Variants in CA12 observed in about 807,000 individuals in gnomAD.
CA12 encodes carbonate dehydratase XII.
A neutral mutation model predicts 46.8 loss-of-function variants in CA12; 36 were observed. That is an observed-to-expected ratio of 0.77 (90% CI 0.59 to 1.02). The LOEUF is 1.02. CA12 is among the 50% of genes least tolerant of loss of function. CA12 has a pLI of 0.00. For synonymous variants in CA12, 202 were observed against 187.0 expected (o/e 1.08, Z -0.65); for missense variants, 436 against 451.4 (o/e 0.97, Z 0.31).
chr15:63,344,000 T>G (rs2039114577), intron 4 of CA12, among the ~76,000 whole-genome samples: 1 of 152,194 alleles, frequency 6.6e-6, no homozygotes, highest in Admixed American at 6.5e-5. Context: ...CTGTTGAATT[T>G]CACCGTGACA....
At chr15:63,364,356 C>A (rs199553474) in intron 2 of CA12, among the ~76,000 whole-genome samples, 1,512 of 24,366 alleles carry the variant, frequency 0.062, 1 homozygote, top group East Asian at 0.093. Flanking sequence ...AAAAAAAAAA[C>A]AGTGGGACTC....
At chr15:63,376,180 C>G (rs2039568209) in intron 1 of CA12, among the ~76,000 whole-genome samples, 2 of 152,202 alleles carry the variant, frequency 1.3e-5, no homozygotes, top group South Asian at 4.1e-4. Flanking sequence ...GTCAGCAGCA[C>G]AGGCAGTTGG....
rs2038937471 is a variant in CA12 at position 63,331,510 on chromosome 15, A to G, written c.875-3380T>C. ...CTAGGTCACAGAGGTGGCCCACGAG[A>G]GGCATCGAGTGGCAGCCCAACAGAA... On this transcript the variant is annotated intron_variant, in intron 8 of 10. Coordinates refer to ENST00000178638, the MANE Select transcript of CA12 (RefSeq NM_001218.5). This position sits in a 1 kb window ranked among gnomAD's most constrained non-coding sequence, Gnocchi z 5.3. Among the ~76,000 whole-genome samples the G allele has an allele frequency of 6.6e-6, 1 of 152,202 alleles. No individual in the cohort carries two copies. Among genetic ancestry groups the G allele is most frequent in the South Asian group, 2.1e-4 (1 of 4,822 alleles).
intron 2 of CA12, among the ~76,000 whole-genome samples, chr15:63,375,076 C>T (rs1219544431): frequency 6.6e-6 from 1 of 152,156 alleles, no homozygotes; most frequent in Non-Finnish European, 1.5e-5. Context: ...TCTTGGAGAC[C>T]GTCCCACAGA....
At position 63,328,368 on chromosome 15, in the gene CA12, G is replaced by A. The variant is rs866075919; in HGVS notation, c.875-238C>T. On this transcript the variant is annotated intron_variant, in intron 8 of 10. Transcript: ENST00000178638. This position sits in a 1 kb window ranked among gnomAD's most constrained non-coding sequence, Gnocchi z 5.9. ...TTTTTTTTTTTTGAGATGGAATCTC[G>A]CTCTGCCGCCCAGGCTGGAATGCAG... Among the ~76,000 whole-genome samples, 12 of 140,718 alleles carry A rather than the reference G, an allele frequency of 8.5e-5. No homozygotes were observed. The South Asian group carries it at 2.0e-3, about 23-fold the overall frequency. 92.3% of individuals were successfully genotyped at this position (140,718 alleles called of 152,430 possible). A position where few individuals can be genotyped will look rare whatever the true frequency, so the allele number is the denominator to read the frequency against.
chr15:63,349,708 T>C (rs1240566989), intron 2 of CA12, among the ~76,000 whole-genome samples: 1 of 152,354 alleles, frequency 6.6e-6, no homozygotes, highest in African/African-American at 2.4e-5. Context: ...ACAGGACTTA[T>C]GTGTCCTTCA....
Position 63,338,843 on chromosome 15 carries a change from G to A in CA12, c.850C>T (p.Leu284=). 1 of 1,614,150 alleles carries A rather than the reference G, an allele frequency of 6.2e-7. No individual in the cohort carries two copies. Among genetic ancestry groups the A allele is most frequent in the Non-Finnish European group, 8.5e-7 (1 of 1,180,010 alleles). ...CCTTGGGAGAAGGAGGTGTATACCA[G>A]CCTCTCATCGAACTTCTGGACCTGC... ...FRQVQKFDER[L]VYTSFSQVQV... Residue 284 remains leucine (L), a synonymous_variant, in exon 8 of 11, where the codon CTG becomes TTG. Coordinates refer to ENST00000178638, the MANE Select transcript of CA12 (RefSeq NM_001218.5).
At chr15:63,368,770 C>T (rs1436864748) in intron 2 of CA12, among the ~76,000 whole-genome samples, 1 of 152,226 alleles carries the variant, frequency 6.6e-6, no homozygotes, top group African/African-American at 2.4e-5. Context: ...TCCTCACCTG[C>T]CAGCCCGCTG....
chr15:63,354,763 T>A (rs1376856835), intron 2 of CA12, among the ~76,000 whole-genome samples: 1 of 152,082 alleles, frequency 6.6e-6, no homozygotes, highest in Non-Finnish European at 1.5e-5. Context: ...CCAGCCATGG[T>A]GGTGGGGGCC....
In CA12 at chr15:63,374,928, G is replaced by A. The variant is rs1393810584; in HGVS notation, c.106+730C>T. ...CCAACAAGACATTATCAACATTCCC[G>A]CACTGGCCAGGGGACTCAGGTGTCT... On this transcript the variant is annotated intron_variant, in intron 2 of 10. Transcript: ENST00000178638. The surrounding 1 kb of genome is among the most constrained non-coding windows in gnomAD (Gnocchi z 4.4). 2.0e-5 allele frequency among the ~76,000 whole-genome samples: 3 copies of A among 152,140 alleles called. No homozygotes were observed. The highest frequency in any genetic ancestry group is 4.8e-5 in the African/African-American group (2 of 41,424).
intron 2 of CA12, among the ~76,000 whole-genome samples, chr15:63,358,815 G>T (rs991101149): frequency 4.6e-5 from 7 of 152,112 alleles, no homozygotes; most frequent in South Asian, 2.1e-4. Flanking sequence ...CCGCATCTGT[G>T]TCTTTACTTC....
Position 63,323,558 on chromosome 15 carries a change from G to A in CA12, c.*2727C>T, listed in dbSNP as rs766592780. 3.3e-5 allele frequency: 5 copies of A among 151,732 alleles called. No individual in the cohort carries two copies. Among genetic ancestry groups the A allele is most frequent in the Non-Finnish European group, 4.4e-5 (3 of 67,904 alleles). 9.4% of individuals were successfully genotyped at this position (151,732 alleles called of 1,614,324 possible). On this transcript the variant is annotated 3_prime_UTR_variant, in exon 11 of 11. Transcript: ENST00000178638. This position sits in a 1 kb window ranked among gnomAD's most constrained non-coding sequence, Gnocchi z 5.1. ...ATGTGAAAAACATTTATAATTTCTTGTAGTTACAGTGTGTATCTTCATTAT... is the reference window on the plus strand; with the variant it reads ...ATGTGAAAAACATTTATAATTTCTTATAGTTACAGTGTGTATCTTCATTAT...
rs1691114896 is a variant in CA12 at position 63,328,213 on chromosome 15, C to T, written c.875-83G>A. ...AGCAGCGTGTTGAGAGACGCTCTAC[C>T]ATTTGTTTGGTCTTAGGCTGACAGA... On this transcript the variant is annotated intron_variant, in intron 8 of 10. Coordinates refer to ENST00000178638, the MANE Select transcript of CA12 (RefSeq NM_001218.5). This position sits in a 1 kb window ranked among gnomAD's most constrained non-coding sequence, Gnocchi z 5.9. The T allele has an allele frequency of 1.5e-6, 2 of 1,302,672 alleles. No homozygotes were observed. Among genetic ancestry groups the T allele is most frequent in the South Asian group, 1.2e-5 (1 of 83,712 alleles). 80.7% of individuals were successfully genotyped at this position (1,302,672 alleles called of 1,614,324 possible). A position where few individuals can be genotyped will look rare whatever the true frequency, so the allele number is the denominator to read the frequency against.
intron 8 of CA12, among the ~76,000 whole-genome samples, chr15:63,336,966 A>G (rs549069022): frequency 1.3e-5 from 2 of 152,202 alleles, no homozygotes; most frequent in African/African-American, 2.4e-5. Flanking sequence ...TAAGAGTTGA[A>G]GTAGTTCCAT....
intron 2 of CA12, among the ~76,000 whole-genome samples, chr15:63,349,664 A>T (rs1175922986): frequency 6.6e-6 from 1 of 152,154 alleles, no homozygotes; most frequent in Non-Finnish European, 1.5e-5. Flanking sequence ...CGGAAGTTTG[A>T]CTTTGGCTAA....
At chr15:63,333,299 CT>C (rs1225159481) in intron 8 of CA12, among the ~76,000 whole-genome samples, 21 of 152,256 alleles carry the variant, frequency 1.4e-4, no homozygotes, top group East Asian at 7.7e-4. Flanking sequence ...TGCCCAGCCC[CT>C]TTTCCCATTG....
chr15:63,362,455 A>G (rs1192334957), intron 2 of CA12, among the ~76,000 whole-genome samples: 1 of 152,238 alleles, frequency 6.6e-6, no homozygotes, highest in Admixed American at 6.5e-5. Flanking sequence ...GAGCCCAGGC[A>G]GTAGCAACGG....
chr15:63,346,417 CCCT>C (rs1325546742), intron 3 of CA12, 110 bp downstream of exon 3: 3 of 775,836 alleles, frequency 3.9e-6, no homozygotes, highest in Non-Finnish European at 6.7e-6. Flanking sequence ...CCCGCCCCAC[CCCT>C]CCTCCTGGAT....
At chr15:63,379,493 C>T (rs995219602) in intron 1 of CA12, among the ~76,000 whole-genome samples, 2 of 152,202 alleles carry the variant, frequency 1.3e-5, no homozygotes, top group African/African-American at 2.4e-5. Flanking sequence ...ATTCCACAAG[C>T]GAGGCCAGGC....
Sources: allele counts gnomAD v4.1 joint callset (sites outside exome capture counted in the v4.1 genomes callset), GRCh38; gene constraint gnomAD v4.1.1; non-coding constraint Gnocchi (gnomAD v3.1); transcripts MANE v1.5; gene names NCBI Gene and HGNC (gene_info 2026-07-23, HGNC 2026-07-21).